Variants in ADCK1 observed in about 807,000 individuals in gnomAD.
The protein encoded by ADCK1 is aarF domain containing kinase 1.
ADCK1 carries 41 observed loss-of-function variants against 52.3 expected under a neutral mutation model. The ratio of observed to expected loss-of-function variants is 0.78; its 90% CI spans 0.61 to 1.02. The LOEUF (loss-of-function observed/expected upper bound fraction) is 1.02, where lower values mean the gene tolerates loss of function less well. Among genes scored for constraint, ADCK1 ranks in the 50% least tolerant of loss-of-function variants. The pLI is 0.00. For missense variants in ADCK1, 658 were observed against 679.5 expected (o/e 0.97, Z 0.35); for synonymous variants, 250 against 274.6 (o/e 0.91, Z 0.89).
At chr14:77,830,079 A>G (rs1302573423) in intron 3 of ADCK1, among the ~76,000 whole-genome samples, 2 of 151,426 alleles carry the variant, frequency 1.3e-5, no homozygotes, top group African/African-American at 2.4e-5. Flanking sequence ...AAAATTCTCC[A>G]GTAAAGTTAT....
At chr14:77,815,856 C>T (rs1208814071) in intron 1 of ADCK1, among the ~76,000 whole-genome samples, 1 of 141,376 alleles carries the variant, frequency 7.1e-6, no homozygotes, top group Middle Eastern at 4.0e-3. Flanking sequence ...CGTTCTGTTG[C>T]CCAAGCTGGA....
At chr14:77,860,232 CAT>C (rs1369990354) in intron 4 of ADCK1, among the ~76,000 whole-genome samples, 1 of 152,228 alleles carries the variant, frequency 6.6e-6, no homozygotes, top group African/African-American at 2.4e-5. Flanking sequence ...CCCTGCAAGT[CAT>C]AGTCTTTGAG....
chr14:77,840,511 C>G (rs2082045077), intron 3 of ADCK1, among the ~76,000 whole-genome samples: 2 of 152,166 alleles, frequency 1.3e-5, no homozygotes, highest in South Asian at 4.2e-4. Flanking sequence ...CCGGGCCAAT[C>G]TGAGTAATTC....
intron 4 of ADCK1, among the ~76,000 whole-genome samples, chr14:77,863,446 T>C (rs1454096062): frequency 6.6e-6 from 1 of 151,836 alleles, no homozygotes; most frequent in Non-Finnish European, 1.5e-5. Context: ...TTATCTTTGG[T>C]CATGCACACA....
At chr14:77,917,179 G>A (rs559598890) in intron 7 of ADCK1, among the ~76,000 whole-genome samples, 1 of 152,130 alleles carries the variant, frequency 6.6e-6, no homozygotes, top group Non-Finnish European at 1.5e-5. Context: ...GAGCCATGAT[G>A]GTGCCACTGC....
At chr14:77,903,008 G>A (rs1390614149) in intron 6 of ADCK1, among the ~76,000 whole-genome samples, 5 of 152,214 alleles carry the variant, frequency 3.3e-5, no homozygotes, top group Non-Finnish European at 1.5e-5. Context: ...AGAACTATGA[G>A]CCAGACAGAA....
chr14:77,879,468 G>A (rs1235022901), intron 4 of ADCK1, among the ~76,000 whole-genome samples: 2 of 152,154 alleles, frequency 1.3e-5, no homozygotes, highest in East Asian at 3.9e-4. Context: ...GGCCAGAGGG[G>A]ACAGTGTGTG....
intron 3 of ADCK1, among the ~76,000 whole-genome samples, chr14:77,836,251 G>A (rs2081957555): frequency 6.6e-6 from 1 of 152,176 alleles, no homozygotes; most frequent in Admixed American, 6.5e-5. Context: ...TTGGTCATGG[G>A]CTTCCCAGCC....
chr14:77,863,794 G>A (rs1281172132), intron 4 of ADCK1, among the ~76,000 whole-genome samples: 2 of 151,958 alleles, frequency 1.3e-5, no homozygotes, highest in Admixed American at 6.6e-5. Context: ...CTGAGATCAG[G>A]CTATTGGACT....
intron 3 of ADCK1, among the ~76,000 whole-genome samples, chr14:77,835,032 G>A (rs760222442): frequency 3.3e-5 from 5 of 152,104 alleles, no homozygotes; most frequent in African/African-American, 4.8e-5. Flanking sequence ...TGGGTGCTTC[G>A]GAGCTGTTTC....
At chr14:77,899,057 A>G (rs1325323998) in intron 5 of ADCK1, 43 bp from the exon 6 acceptor site, 1 of 1,610,936 alleles carries the variant, frequency 6.2e-7, no homozygotes, top group Non-Finnish European at 8.5e-7. Flanking sequence ...GTCCCTTGGT[A>G]TATGCTGTGG....
intron 5 of ADCK1, among the ~76,000 whole-genome samples, chr14:77,890,460 T>A (rs2083260503): frequency 6.6e-6 from 1 of 152,178 alleles, no homozygotes; most frequent in African/African-American, 2.4e-5. Flanking sequence ...CTACATAGGA[T>A]TACTTCTTTC....
intron 4 of ADCK1, among the ~76,000 whole-genome samples, chr14:77,876,056 C>T (rs7145309): frequency 0.72 from 109,508 of 152,104 alleles, 39,578 homozygotes; most frequent in Admixed American, 0.76. Flanking sequence ...AAAGGGCCTG[C>T]ATGAGGCTCC....
At chr14:77,925,207 A>G (rs539170354) in intron 8 of ADCK1, among the ~76,000 whole-genome samples, 2 of 152,356 alleles carry the variant, frequency 1.3e-5, no homozygotes, top group Admixed American at 6.5e-5. Context: ...AGTAGAATGC[A>G]TTAGTTTAGG....
intron 3 of ADCK1, among the ~76,000 whole-genome samples, chr14:77,852,697 A>AT (rs2082324935): frequency 1.2e-5 from 1 of 80,870 alleles, no homozygotes; most frequent in Non-Finnish European, 2.5e-5. Flanking sequence ...ATATATATAT[A>AT]TATATATTTC....
chr14:77,902,204 G>A (rs1025902688), intron 6 of ADCK1, among the ~76,000 whole-genome samples: 1 of 152,232 alleles, frequency 6.6e-6, no homozygotes, highest in African/African-American at 2.4e-5. Context: ...TCCGCAGGAG[G>A]AAGAACCGCA....
chr14:77,816,388 C>G (rs1188225391), intron 1 of ADCK1, among the ~76,000 whole-genome samples: 1 of 151,356 alleles, frequency 6.6e-6, no homozygotes, highest in Non-Finnish European at 1.5e-5. Context: ...TCTCACCTGC[C>G]CCAAGGCAGG....
chr14:77,883,163 A>C (rs2083070596), intron 4 of ADCK1, among the ~76,000 whole-genome samples: 1 of 152,024 alleles, frequency 6.6e-6, no homozygotes, highest in South Asian at 2.1e-4. Context: ...AGTCATATTA[A>C]AATGCAGTTG....
chr14:77,809,826 G>T (rs1180829702), intron 1 of ADCK1, among the ~76,000 whole-genome samples: 1 of 151,476 alleles, frequency 6.6e-6, no homozygotes, highest in East Asian at 2.0e-4. Flanking sequence ...CCTGAGGCCA[G>T]GAGTTCGAGA....
Sources: allele counts gnomAD v4.1 joint callset (sites outside exome capture counted in the v4.1 genomes callset), GRCh38; gene constraint gnomAD v4.1.1; transcripts MANE v1.5; gene names NCBI Gene and HGNC (gene_info 2026-07-23, HGNC 2026-07-21).